The following CHMP4B variants were observed in gnomAD, a reference collection of about 807,000 sequenced individuals.
CHMP4B encodes the protein SNF7 homolog associated with Alix 1.
Under a neutral mutation model 25.1 loss-of-function variants are expected in CHMP4B, and 1 was observed. The observed-to-expected ratio is 0.04, with a 90% CI of 0.01 to 0.19. The LOEUF (loss-of-function observed/expected upper bound fraction) is 0.19, where lower values mean the gene tolerates loss of function less well. CHMP4B is among the 10% of genes least tolerant of loss of function. The pLI is 1.00. For missense variants in CHMP4B, 151 were observed against 289.7 expected (o/e 0.52, Z 3.48); for synonymous variants, 101 against 115.6 (o/e 0.87, Z 0.81).
chr20:33,851,642 C>T (rs1979853193), intron 3 of CHMP4B, among the ~76,000 whole-genome samples: 1 of 152,080 alleles, frequency 6.6e-6, no homozygotes, highest in Non-Finnish European at 1.5e-5. Flanking sequence ...CTTTCTGACC[C>T]CTGCTGTATA....
chr20:33,830,753 G>A (rs1601321565), intron 1 of CHMP4B, among the ~76,000 whole-genome samples: 1 of 151,994 alleles, frequency 6.6e-6, no homozygotes, highest in East Asian at 1.9e-4. Context: ...AATTCTGGGG[G>A]GATACAGGTC....
At chr20:33,842,026 C>T (rs760125135) in intron 1 of CHMP4B, among the ~76,000 whole-genome samples, 5 of 152,030 alleles carry the variant, frequency 3.3e-5, no homozygotes, top group Non-Finnish European at 5.9e-5. Context: ...CAAGCTGTGC[C>T]GCCTGTTCTG....
At chr20:33,843,182 T>C (rs1979591498) in intron 1 of CHMP4B, among the ~76,000 whole-genome samples, 1 of 152,256 alleles carries the variant, frequency 6.6e-6, no homozygotes, top group Non-Finnish European at 1.5e-5. Flanking sequence ...GAGGGGCTAA[T>C]GAAGCAACTG....
intron 1 of CHMP4B, among the ~76,000 whole-genome samples, chr20:33,822,040 G>A (rs1462524588): frequency 2.6e-5 from 4 of 151,776 alleles, no homozygotes. Context: ...GCCCAGGCTG[G>A]TCTCAAACTC....
chr20:33,811,646 A>G lies in CHMP4B; in HGVS notation c.178A>G (p.Lys60Glu). ...GACGGCCGCCAAGAAGCACGGCACCAAAAACAAGCGCGGTGAGGCTGCCCG... is the reference window on the plus strand; with the variant it reads ...GACGGCCGCCAAGAAGCACGGCACCGAAAACAAGCGCGGTGAGGCTGCCCG... ...ELTAAKKHGT[K>E]NKRAALQALK... The change falls in exon 1 of 5, where the codon AAA becomes GAA. Residue 60 changes from lysine to glutamate, a missense_variant. Coordinates refer to ENST00000217402, the MANE Select transcript of CHMP4B (RefSeq NM_176812.5). 6.2e-7 allele frequency: 1 copy of G among 1,613,374 alleles called. No individual in the cohort carries two copies. Among genetic ancestry groups the G allele is most frequent in the Non-Finnish European group, 8.5e-7 (1 of 1,179,666 alleles).
intron 3 of CHMP4B, 27 bp from the exon 4 acceptor site, chr20:33,852,050 C>CCCCT: frequency 6.2e-7 from 1 of 1,613,024 alleles, no homozygotes; most frequent in Non-Finnish European, 8.5e-7. Flanking sequence ...CCAGGGAGGG[C>CCCCT]GCTCACTTTG....
intron 2 of CHMP4B, 95 bp downstream of exon 2, chr20:33,848,739 T>C: frequency 7.7e-7 from 1 of 1,306,884 alleles, no homozygotes; most frequent in Admixed American, 1.9e-5. Context: ...TCCCTTGACT[T>C]ACCTATTCGA....
At chr20:33,832,711 T>C (rs1003823257) in intron 1 of CHMP4B, among the ~76,000 whole-genome samples, 1 of 151,994 alleles carries the variant, frequency 6.6e-6, no homozygotes, top group African/African-American at 2.4e-5. Context: ...GACACGCCCA[T>C]GTATGAATGG....
intron 1 of CHMP4B, among the ~76,000 whole-genome samples, chr20:33,845,774 G>T (rs78349638): frequency 1.2e-3 from 188 of 152,334 alleles, no homozygotes; most frequent in African/African-American, 4.2e-3. Flanking sequence ...CTAGGGTATG[G>T]CTTTTGTGGA....
Position 33,853,683 on chromosome 20 carries a change from C to T in CHMP4B, c.*123C>T. 1 of 791,056 alleles carries T rather than the reference C, an allele frequency of 1.3e-6. No homozygotes were observed. Among genetic ancestry groups the T allele is most frequent in the Non-Finnish European group, 2.1e-6 (1 of 470,450 alleles). The allele number at this position is 791,056 out of a possible 1,614,324, so 49.0% of individuals were successfully genotyped here. A position where few individuals can be genotyped will look rare whatever the true frequency, so the allele number is the denominator to read the frequency against. On this transcript the variant is annotated 3_prime_UTR_variant, in exon 5 of 5. Coordinates refer to ENST00000217402, the MANE Select transcript of CHMP4B (RefSeq NM_176812.5). ...GTTCCATCGCTTTCGACTCTCACTC[C>T]AAAGCAGTAGGGCCGCGTTGCTGCT...
intron 4 of CHMP4B, 59 bp downstream of exon 4, chr20:33,852,262 C>T (rs1449823024): frequency 5.6e-6 from 9 of 1,606,606 alleles, no homozygotes; most frequent in East Asian, 2.2e-5. Context: ...ATCTTGTGGT[C>T]GGTTGGCTTT....
At chr20:33,818,496 T>A (rs964468875) in intron 1 of CHMP4B, among the ~76,000 whole-genome samples, 1 of 151,220 alleles carries the variant, frequency 6.6e-6, no homozygotes, top group African/African-American at 2.4e-5. Context: ...TATAGCATAG[T>A]CTGTCTCTGG....
At chr20:33,838,977 G>T (rs1357931053) in intron 1 of CHMP4B, among the ~76,000 whole-genome samples, 1 of 152,140 alleles carries the variant, frequency 6.6e-6, no homozygotes, top group Non-Finnish European at 1.5e-5. Context: ...TGCTGACCCA[G>T]TCTGGAATAA....
At chr20:33,831,243 T>C (rs1455482035) in intron 1 of CHMP4B, among the ~76,000 whole-genome samples, 1 of 152,010 alleles carries the variant, frequency 6.6e-6, no homozygotes, top group African/African-American at 2.4e-5. Context: ...TACAGGCACG[T>C]ACCACCACGC....
At chr20:33,822,007 T>G (rs1978955774) in intron 1 of CHMP4B, among the ~76,000 whole-genome samples, 1 of 151,096 alleles carries the variant, frequency 6.6e-6, no homozygotes. Flanking sequence ...TTTTTTTTTG[T>G]AGAGATGGGG....
intron 1 of CHMP4B, among the ~76,000 whole-genome samples, chr20:33,832,444 G>A (rs1036351383): frequency 7.9e-5 from 12 of 152,122 alleles, no homozygotes; most frequent in African/African-American, 2.9e-4. Context: ...ACACCAAAGC[G>A]CCAGTGCCAG....
intron 1 of CHMP4B, among the ~76,000 whole-genome samples, chr20:33,828,760 CTTTT>C (rs74592343): frequency 2.8e-5 from 4 of 143,070 alleles, no homozygotes; most frequent in African/African-American, 7.7e-5. Context: ...TGCTTCTTGT[CTTTT>C]TTTTTTTTTC....
intron 1 of CHMP4B, among the ~76,000 whole-genome samples, chr20:33,832,775 ATTT>A (rs35940987): frequency 1.4e-5 from 2 of 138,202 alleles, no homozygotes; most frequent in African/African-American, 2.7e-5. Context: ...ACAATAAATG[ATTT>A]TTTTTTTTTT....
chr20:33,838,987 A>G (rs1412917451), intron 1 of CHMP4B, among the ~76,000 whole-genome samples: 1 of 152,090 alleles, frequency 6.6e-6, no homozygotes, highest in Non-Finnish European at 1.5e-5. Context: ...GTCTGGAATA[A>G]TCTGCTGCTT....
Sources: allele counts gnomAD v4.1 joint callset (sites outside exome capture counted in the v4.1 genomes callset), GRCh38; gene constraint gnomAD v4.1.1; transcripts MANE v1.5; gene names NCBI Gene and HGNC (gene_info 2026-07-23, HGNC 2026-07-21).